Variants in CSMD1 observed in about 807,000 individuals in gnomAD.
CSMD1 encodes CUB and Sushi multiple domains 1, also known as CUB and sushi domain-containing protein 1.
In CSMD1, 213 loss-of-function variants were observed where a neutral mutation model predicts 417.5. The ratio of observed to expected loss-of-function variants is 0.51; its 90% CI spans 0.46 to 0.57. The LOEUF (loss-of-function observed/expected upper bound fraction) is 0.57. Ranked by LOEUF, CSMD1 falls within the 20% of genes least tolerant of loss-of-function variation. CSMD1 has a pLI of 0.00. For missense variants in CSMD1, 6,923 were observed against 4,529.7 expected, an observed-to-expected ratio of 1.53 and a Z score of -15.17; for synonymous variants, 2,862 against 1,736.8, an observed-to-expected ratio of 1.65 and a Z score of -16.11.
chr8:3,832,285 A>C (rs1196318542), intron 5 of CSMD1, among the ~76,000 whole-genome samples: 2 of 152,138 alleles, frequency 1.3e-5, no homozygotes, highest in Non-Finnish European at 2.9e-5. Context: ...AGTACACGGG[A>C]TTATTTTAAT....
chr8:4,327,302 C>G (rs536327923), intron 3 of CSMD1, among the ~76,000 whole-genome samples: 1 of 152,240 alleles, frequency 6.6e-6, no homozygotes, highest in South Asian at 2.1e-4. Context: ...ACATTTTTCT[C>G]TTCCTTCTTT....
chr8:4,436,655 C>G (rs1314071699), intron 2 of CSMD1, among the ~76,000 whole-genome samples: 1 of 152,024 alleles, frequency 6.6e-6, no homozygotes, highest in African/African-American at 2.4e-5. Flanking sequence ...TAACAATCAC[C>G]ACCTCCTTCC....
At chr8:4,599,616 T>C (rs1409283443) in intron 2 of CSMD1, among the ~76,000 whole-genome samples, 1 of 152,182 alleles carries the variant, frequency 6.6e-6, no homozygotes, top group African/African-American at 2.4e-5. Context: ...ACCACACTTC[T>C]GTCCATCTCA....
At position 3,493,209 on chromosome 8, in the gene CSMD1, G is replaced by A. The variant is rs186843205; in HGVS notation, c.1448+414C>T. On this transcript the variant is annotated intron_variant, in intron 11 of 69. Transcript: ENST00000635120. The stretch of plus-strand genomic sequence containing the variant: ...CTCAGGAGGGTGAGGCAGGTGAATT[G>A]CTTGAACCCGGGAGGCGGAGGTTGC... Among the ~76,000 whole-genome samples the A allele has an allele frequency of 5.9e-3, 881 of 148,992 alleles. 10 individuals carry two copies. Among genetic ancestry groups the A allele is most frequent in the African/African-American group, 0.02 (800 of 40,394 alleles).
chr8:4,146,762 G>C (rs1005490057), intron 3 of CSMD1, among the ~76,000 whole-genome samples: 6 of 149,132 alleles, frequency 4.0e-5, no homozygotes, highest in Non-Finnish European at 7.4e-5. Flanking sequence ...CAGGCGCCCG[G>C]CACCAGACTC....
At chr8:4,330,034 T>C (rs550758308) in intron 3 of CSMD1, among the ~76,000 whole-genome samples, 2 of 152,266 alleles carry the variant, frequency 1.3e-5, no homozygotes, top group East Asian at 1.9e-4. Flanking sequence ...TGTGAGCCAA[T>C]TAAACCTCTT....
rs117009548 is a variant in CSMD1 at position 4,410,930 on chromosome 8, C to G, written c.415+9023G>C. On this transcript the variant is annotated intron_variant, in intron 3 of 69. Coordinates refer to ENST00000635120, the MANE Select transcript of CSMD1 (RefSeq NM_033225.6). ...ATCAATGAATGTCTTTCTCTTCAGA[C>G]TAGATTTGTTCTAGTGGGACTAGGT... 1.0e-3 allele frequency among the ~76,000 whole-genome samples: 155 copies of G among 152,214 alleles called. 1 individual carries two copies. In the East Asian group the frequency reaches 0.025, roughly 24 times the overall value.
At chr8:3,638,709 T>C (rs1797163785) in intron 7 of CSMD1, among the ~76,000 whole-genome samples, 1 of 152,250 alleles carries the variant, frequency 6.6e-6, no homozygotes, top group Admixed American at 6.5e-5. Flanking sequence ...GGCAAAAGGC[T>C]TGTGGTCAGA....
chr8:4,297,082 G>C (rs1323920253), intron 3 of CSMD1, among the ~76,000 whole-genome samples: 1 of 9,582 alleles, frequency 1.0e-4, no homozygotes, highest in Non-Finnish European at 2.1e-4. Context: ...AGGTTGAAGA[G>C]CTTGGGGAGA....
At chr8:4,440,075 T>A (rs561507535) in intron 2 of CSMD1, among the ~76,000 whole-genome samples, 3 of 152,134 alleles carry the variant, frequency 2.0e-5, no homozygotes, top group Non-Finnish European at 2.9e-5. Context: ...TAAAACACTG[T>A]TTTTAACTGT....
rs186432415 is a variant in CSMD1 at position 4,650,727 on chromosome 8, T to A, written c.86-13169A>T. On this transcript the variant is annotated intron_variant, in intron 1 of 69. Coordinates refer to ENST00000635120, the MANE Select transcript of CSMD1 (RefSeq NM_033225.6). ...TATTTTACTGATTTCTAATTAGAGA[T>A]TTGAGAGCAGAAAATATGTATTTTG... Among the ~76,000 whole-genome samples the A allele has an allele frequency of 8.1e-3, 1,230 of 152,342 alleles. 16 individuals carry two copies. The highest frequency in any genetic ancestry group is 0.054 in the Middle Eastern group (16 of 294).
At chr8:4,448,404 ACC>A (rs1798942849) in intron 2 of CSMD1, among the ~76,000 whole-genome samples, 1 of 152,182 alleles carries the variant, frequency 6.6e-6, no homozygotes, top group Non-Finnish European at 1.5e-5. Flanking sequence ...ACTTTCAGTA[ACC>A]CTGTGTGCCC....
intron 1 of CSMD1, among the ~76,000 whole-genome samples, chr8:4,851,903 C>A (rs186832533): frequency 1.3e-5 from 2 of 152,282 alleles, no homozygotes; most frequent in Non-Finnish European, 1.5e-5. Context: ...AATTTATACT[C>A]ATTTGCTATC....
intron 3 of CSMD1, among the ~76,000 whole-genome samples, chr8:4,166,428 A>G (rs773126743): frequency 3.9e-5 from 6 of 152,244 alleles, no homozygotes; most frequent in African/African-American, 7.2e-5. Context: ...AATAATAGCC[A>G]TAACATAGAA....
intron 49 of CSMD1, among the ~76,000 whole-genome samples, chr8:3,081,501 T>C (rs1814094646): frequency 6.6e-6 from 1 of 152,186 alleles, no homozygotes; most frequent in East Asian, 1.9e-4. Flanking sequence ...AATTTTCAAA[T>C]AAAATAATTA....
intron 3 of CSMD1, among the ~76,000 whole-genome samples, chr8:4,417,218 T>C (rs1796989981): frequency 6.6e-6 from 1 of 152,074 alleles, no homozygotes; most frequent in Admixed American, 6.5e-5. Context: ...TCCCACTGGA[T>C]TTCCAGAGTT....
rs979093024 is a variant in CSMD1, at chr8:4,559,813, T to A, written c.302+77529A>T. On this transcript the variant is annotated intron_variant, in intron 2 of 69. Transcript: ENST00000635120. ...CACCTGAGACACACGTCATCTCATG[T>A]TCACTTCGTGAAATTCTATTCATCT... Among the ~76,000 whole-genome samples, 13 of 152,376 alleles carry A rather than the reference T, an allele frequency of 8.5e-5. 1 individual carries two copies. Among genetic ancestry groups the A allele is most frequent in the Admixed American group, 8.5e-4 (13 of 15,310 alleles).
intron 2 of CSMD1, among the ~76,000 whole-genome samples, chr8:4,427,601 G>C (rs182048591): frequency 6.6e-6 from 1 of 152,106 alleles, no homozygotes; most frequent in Admixed American, 6.6e-5. Flanking sequence ...AGAGAGACTC[G>C]AAGTAAAAAT....
intron 12 of CSMD1, among the ~76,000 whole-genome samples, chr8:3,452,352 T>G (rs1046094020): frequency 6.6e-6 from 1 of 152,182 alleles, no homozygotes; most frequent in East Asian, 1.9e-4. Flanking sequence ...TCCAACTCTA[T>G]GTTGAATAGC....
Sources: gnomAD v4.1 joint callset for allele counts (sites outside exome capture counted in the v4.1 genomes callset) on GRCh38, gnomAD v4.1.1 for gene constraint, MANE v1.5 for transcripts, NCBI Gene and HGNC (gene_info 2026-07-23, HGNC 2026-07-21) for gene names.